The following KDM2B variants were observed in gnomAD, a reference collection of about 807,000 sequenced individuals.
KDM2B encodes the protein lysine-specific demethylase 2B.
In KDM2B, 26 loss-of-function variants were observed where a neutral mutation model predicts 150.0. The observed-to-expected ratio is 0.17, with a 90% CI of 0.13 to 0.24. The LOEUF is 0.24. Ranked by LOEUF, KDM2B falls within the 10% of genes least tolerant of loss-of-function variation. The pLI is 1.00. For missense variants in KDM2B, 1,265 were observed against 1,816.9 expected (o/e 0.70, Z 5.52); for synonymous variants, 734 against 729.5 (o/e 1.01, Z -0.10).
rs1888186633 is a variant in KDM2B at position 121,537,088 on chromosome 12, A to C, written c.684-2498T>G. Among the ~76,000 whole-genome samples, 1 of 151,850 alleles carries C rather than the reference A, an allele frequency of 6.6e-6. No individual in the cohort carries two copies. The highest frequency in any genetic ancestry group is 6.6e-5 in the Admixed American group (1 of 15,266). On this transcript the variant is annotated intron_variant, in intron 6 of 22. Coordinates refer to ENST00000377071, the MANE Select transcript of KDM2B (RefSeq NM_032590.5). The surrounding 1 kb of genome is among the most constrained non-coding windows in gnomAD (Gnocchi z 8.7). ...CCTCTTCCAGACCTGCCTCTCCCGG[A>C]GAGGCCCCTCCTCCCGGTGTCCCTC...
At chr12:121,542,314 C>G (rs1555309878) in intron 6 of KDM2B, among the ~76,000 whole-genome samples, 1 of 152,192 alleles carries the variant, frequency 6.6e-6, no homozygotes, top group Non-Finnish European at 1.5e-5. Context: ...CCCAGGCCTA[C>G]ATCATTCCCC....
intron 12 of KDM2B, among the ~76,000 whole-genome samples, chr12:121,470,957 G>T (rs1303888088): frequency 1.3e-5 from 2 of 152,194 alleles, no homozygotes; most frequent in Non-Finnish European, 2.9e-5. Context: ...CACTAGGAAG[G>T]CCACTGTCCT....
At chr12:121,416,031 C>G in the KDM2B span, 1 of 682,126 alleles carries the variant, frequency 1.5e-6, no homozygotes, top group African/African-American at 1.8e-5. Flanking sequence ...ATTTCAGTGC[C>G]CAGAGGAATA....
At chr12:121,539,318 C>A (rs539452834) in intron 6 of KDM2B, among the ~76,000 whole-genome samples, 1 of 100,722 alleles carries the variant, frequency 9.9e-6, no homozygotes, top group Non-Finnish European at 1.8e-5. Flanking sequence ...ACATAGGAGA[C>A]CCTCTCCCAA....
chr12:121,513,289 C>T lies in KDM2B; in HGVS notation c.1161G>A (p.Glu387=). Residue 387 remains glutamate, a synonymous_variant, in exon 10 of 23, where the codon GAG becomes GAA. Transcript: ENST00000377071. The surrounding 1 kb of genome is among the most constrained non-coding windows in gnomAD (Gnocchi z 5.0). ...RSHLTQEYQR[E]SMLIDAPRKP... is the part of the protein sequence containing the mutation. Reference sequence around the variant, plus strand: ...CGGTTCACTCACCAATAAGCATCGACTCCCTCTGGTATTCCTGAGTGAGGT... The same window carrying T: ...CGGTTCACTCACCAATAAGCATCGATTCCCTCTGGTATTCCTGAGTGAGGT... The T allele has an allele frequency of 6.2e-7, 1 of 1,613,468 alleles. No homozygotes were observed. The highest frequency in any genetic ancestry group is 1.1e-5 in the South Asian group (1 of 91,076).
intron 14 of KDM2B, chr12:121,444,847 G>A (rs1454613162): frequency 2.0e-6 from 1 of 488,772 alleles, no homozygotes; most frequent in African/African-American, 1.9e-5. Flanking sequence ...GTATGACCCA[G>A]GTAAAGCCAT....
rs968967498 is a variant in KDM2B at position 121,465,945 on chromosome 12, G to A, written c.1735-12601C>T. 7.2e-5 allele frequency among the ~76,000 whole-genome samples: 11 copies of A among 152,278 alleles called. No individual in the cohort carries two copies. The East Asian group carries it at 2.1e-3, about 29-fold the overall frequency. On this transcript the variant is annotated intron_variant, in intron 12 of 22. Coordinates refer to ENST00000377071, the MANE Select transcript of KDM2B (RefSeq NM_032590.5). ...AGTTCAAGCCAAAAGCACTTGAATC[G>A]TCCCTGGGTTAATCCAATCCGAAAG...
intron 6 of KDM2B, among the ~76,000 whole-genome samples, chr12:121,543,209 A>G (rs1293625205): frequency 2.0e-5 from 3 of 152,162 alleles, no homozygotes; most frequent in African/African-American, 7.2e-5. Context: ...TACAAAAATT[A>G]GCTGGGTGTA....
intron 6 of KDM2B, among the ~76,000 whole-genome samples, chr12:121,536,976 G>A (rs1555308855): frequency 6.6e-6 from 1 of 152,210 alleles, no homozygotes; most frequent in Non-Finnish European, 1.5e-5. Flanking sequence ...GCAGTGTGCA[G>A]GGAAAGTTCT....
At chr12:121,469,340 G>A (rs1042482682) in intron 12 of KDM2B, 5 of 149,544 alleles carry the variant, frequency 3.3e-5, no homozygotes, top group Non-Finnish European at 5.9e-5. Flanking sequence ...TGATGGCTGG[G>A]CGCGGTGGCT....
chr12:121,542,725 G>T (rs1397973804), intron 6 of KDM2B, among the ~76,000 whole-genome samples: 4 of 152,142 alleles, frequency 2.6e-5, no homozygotes, highest in Non-Finnish European at 5.9e-5. Context: ...GAAGAAAAAG[G>T]CCATTGGCAG....
At chr12:121,465,174 G>A (rs1879701761) in intron 12 of KDM2B, among the ~76,000 whole-genome samples, 1 of 152,262 alleles carries the variant, frequency 6.6e-6, no homozygotes, top group Non-Finnish European at 1.5e-5. Flanking sequence ...ACCAATGTGA[G>A]AAGGAGGAAG....
chr12:121,577,918 G>A (rs1158119921), intron 2 of KDM2B, among the ~76,000 whole-genome samples: 7 of 152,132 alleles, frequency 4.6e-5, no homozygotes, highest in Non-Finnish European at 1.0e-4. Flanking sequence ...TCTGGAGGGT[G>A]ACCCCCACCA....
intron 11 of KDM2B, among the ~76,000 whole-genome samples, chr12:121,498,040 G>A (rs537466240): frequency 7.2e-5 from 11 of 152,164 alleles, no homozygotes; most frequent in South Asian, 2.1e-4. Context: ...AGGTTGTAGC[G>A]GGCCGAGACC....
intron 6 of KDM2B, chr12:121,535,911 G>T: frequency 7.2e-6 from 2 of 276,946 alleles, no homozygotes; most frequent in South Asian, 1.4e-4. Context: ...CCTGCCACTT[G>T]CCCCTTCCCA....
intron 8 of KDM2B, among the ~76,000 whole-genome samples, chr12:121,522,509 C>T (rs1269378094): frequency 4.0e-5 from 5 of 126,526 alleles, no homozygotes; most frequent in Admixed American, 1.7e-4. Context: ...AGTGAAACTC[C>T]GTCTCAAAAA....
intron 8 of KDM2B, among the ~76,000 whole-genome samples, chr12:121,524,950 C>G (rs1887004050): frequency 6.6e-6 from 1 of 151,912 alleles, no homozygotes; most frequent in Non-Finnish European, 1.5e-5. Flanking sequence ...ACAACCTGAG[C>G]GTCTGCTCAG....
chr12:121,438,667 C>G (rs1001912123), intron 22 of KDM2B, among the ~76,000 whole-genome samples: 1 of 152,092 alleles, frequency 6.6e-6, no homozygotes, highest in African/African-American at 2.4e-5. Flanking sequence ...TCATCCCATC[C>G]AAAGCTCCCA....
intron 13 of KDM2B, among the ~76,000 whole-genome samples, chr12:121,451,636 G>A (rs1290890775): frequency 1.3e-5 from 2 of 152,176 alleles, no homozygotes; most frequent in Non-Finnish European, 2.9e-5. Flanking sequence ...GTTGAGCCAG[G>A]CGTGGTGGCT....
Sources: allele counts gnomAD v4.1 joint callset (sites outside exome capture counted in the v4.1 genomes callset), GRCh38; gene constraint gnomAD v4.1.1; non-coding constraint Gnocchi (gnomAD v3.1); transcripts MANE v1.5; gene names NCBI Gene and HGNC (gene_info 2026-07-23, HGNC 2026-07-21).